Variants in BCOR observed in about 807,000 individuals in gnomAD.
The protein encoded by BCOR is BCL6 corepressor.
In BCOR, 10 loss-of-function variants were observed where a neutral mutation model predicts 86.7. The ratio of observed to expected loss-of-function variants is 0.12; its 90% CI spans 0.07 to 0.20. BCOR has a LOEUF of 0.20. BCOR is among the 10% of genes least tolerant of loss of function. BCOR has a pLI of 1.00. For synonymous variants in BCOR, 611 were observed against 609.0 expected, an observed-to-expected ratio of 1.00 and a Z score of -0.05; for missense variants, 1,259 against 1,452.1, an observed-to-expected ratio of 0.87 and a Z score of 2.16.
Position 40,128,138 on chromosome X carries a change from T to G in BCOR, c.-41+48869A>C, listed in dbSNP as rs745689330. Among the ~76,000 whole-genome samples the G allele has an allele frequency of 5.4e-5, 6 of 110,441 alleles. No homozygotes were observed. In the East Asian group the frequency reaches 1.7e-3, roughly 31 times the overall value. On this transcript the variant is annotated intron_variant, in intron 1 of 14. Coordinates refer to the BCOR transcript ENST00000342274. The stretch of plus-strand genomic sequence containing the variant: ...TACTTGGGTGCCTGAGGCAGGAGAA[T>G]CTCTTGAACCCGGAAGGAGGAAGTT...
At position 40,076,649 on chromosome X, in the gene BCOR, C is replaced by T. The variant is rs112064639; in HGVS notation, c.87-117G>A. On this transcript the variant is annotated intron_variant, in intron 2 of 14. Coordinates refer to ENST00000378444, the MANE Select transcript of BCOR (RefSeq NM_001123385.2). ...CCAATTTTTAAAACTGTCCTTAACC[C>T]TCCGCCCCCACCAGCTGTCAATGGC... is the stretch of plus-strand genomic sequence containing the variant. The T allele has an allele frequency of 9.2e-4, 484 of 527,997 alleles. 3 individuals carry two copies. The African/African-American group carries it at 0.01, about 11-fold the overall frequency. 43.5% of individuals were successfully genotyped at this position (527,997 alleles called of 1,213,427 possible). A position where few individuals can be genotyped will look rare whatever the true frequency, so the allele number is the denominator to read the frequency against.
intron 6 of BCOR, among the ~76,000 whole-genome samples, chrX:40,070,405 G>A (rs1935415313): frequency 8.9e-6 from 1 of 111,888 alleles, no homozygotes; most frequent in Non-Finnish European, 1.9e-5. Context: ...AGTGTACTGA[G>A]GAAGATACTA....
intron 1 of BCOR, among the ~76,000 whole-genome samples, chrX:40,154,191 G>T (rs1024517763): frequency 8.9e-6 from 1 of 112,531 alleles, no homozygotes. Flanking sequence ...TGGCTGCAGC[G>T]GGAAGCGCGC....
intron 1 of BCOR, among the ~76,000 whole-genome samples, chrX:40,131,900 C>T (rs966805437): frequency 4.5e-5 from 5 of 111,699 alleles, no homozygotes; most frequent in African/African-American, 1.6e-4. Context: ...GCTAGTTATT[C>T]GACACTCTTC....
chrX:40,074,269 C>T lies in BCOR; in HGVS notation c.1077G>A (p.Lys359=). ...PAADTYSEFH[K]HYARISTSPS... is the part of the protein sequence containing the mutation. ...GAGAGGTGGAGATCCTGGCATAGTG[C>T]TTGTGGAACTCCGAGTAGGTGTCTG... Residue 359 remains lysine, a synonymous_variant, in exon 4 of 15, where the codon AAG becomes AAA. Transcript: ENST00000378444. The T allele has an allele frequency of 8.3e-7, 1 of 1,211,936 alleles. No homozygotes were observed. The highest frequency in any genetic ancestry group is 1.1e-6 in the Non-Finnish European group (1 of 895,569).
chrX:40,079,254 C>T (rs1935964800), intron 1 of BCOR, among the ~76,000 whole-genome samples: 1 of 112,140 alleles, frequency 8.9e-6, no homozygotes, highest in Non-Finnish European at 1.9e-5. Flanking sequence ...TTCCCTAAGT[C>T]GACACATTTC....
At chrX:40,088,645 G>T (rs1437681450) in intron 1 of BCOR, among the ~76,000 whole-genome samples, 1 of 112,266 alleles carries the variant, frequency 8.9e-6, no homozygotes, top group Non-Finnish European at 1.9e-5. Context: ...TACAGGTCTG[G>T]TTTTCTTCTC....
intron 7 of BCOR, 136 bp downstream of exon 7, chrX:40,064,200 C>G: frequency 1.0e-6 from 1 of 980,321 alleles, no homozygotes; most frequent in Admixed American, 2.3e-5. Flanking sequence ...CGCTCCACTG[C>G]TGCGCCCCCA....
chrX:40,107,348 C>A (rs984434849), intron 1 of BCOR, among the ~76,000 whole-genome samples: 1 of 111,535 alleles, frequency 9.0e-6, no homozygotes, highest in African/African-American at 3.3e-5. Context: ...ACGCAAGGGC[C>A]AGGTCCCTCG....
chrX:40,138,014 G>A (rs1937722680), intron 1 of BCOR, among the ~76,000 whole-genome samples: 1 of 110,694 alleles, frequency 9.0e-6, no homozygotes, highest in Admixed American at 9.6e-5. Context: ...GTGCAATGGC[G>A]CTATCTTGGC....
At chrX:40,084,391 G>A (rs1427092087) in intron 1 of BCOR, among the ~76,000 whole-genome samples, 2 of 112,044 alleles carry the variant, frequency 1.8e-5, no homozygotes, top group African/African-American at 6.5e-5. Flanking sequence ...CACACGGGGA[G>A]TCAGGAAACC....
intron 1 of BCOR, among the ~76,000 whole-genome samples, chrX:40,085,638 G>A (rs943938038): frequency 1.8e-5 from 2 of 111,817 alleles, no homozygotes; most frequent in African/African-American, 6.5e-5. Context: ...CAGATATCCT[G>A]TAGGCTGTAC....
intron 1 of BCOR, among the ~76,000 whole-genome samples, chrX:40,105,441 CT>C (rs1937159133): frequency 8.9e-6 from 1 of 112,443 alleles, no homozygotes; most frequent in African/African-American, 3.2e-5. Flanking sequence ...CGCGTCACCC[CT>C]GATCCCTCCT....
At chrX:40,124,434 G>A in intron 1 of BCOR, among the ~76,000 whole-genome samples, 1 of 108,169 alleles carries the variant, frequency 9.2e-6, no homozygotes, top group African/African-American at 3.4e-5. Context: ...CACCATGCCT[G>A]GCTAATTTTC....
chrX:40,133,463 T>A (rs1285205668), intron 1 of BCOR, among the ~76,000 whole-genome samples: 2 of 101,831 alleles, frequency 2.0e-5, no homozygotes, highest in African/African-American at 3.6e-5. Context: ...CTTTTTTTTT[T>A]TTTTTTTCTT....
intron 1 of BCOR, among the ~76,000 whole-genome samples, chrX:40,093,297 T>G (rs1936701556): frequency 8.9e-6 from 1 of 111,992 alleles, no homozygotes; most frequent in African/African-American, 3.3e-5. Context: ...CTTCCATTCT[T>G]TTTGCTTTGC....
chrX:40,175,838 G>A (rs989877495), intron 1 of BCOR, among the ~76,000 whole-genome samples: 1 of 113,024 alleles, frequency 8.8e-6, no homozygotes, highest in African/African-American at 3.2e-5. Flanking sequence ...GGTGAGGGGC[G>A]GGAAACTTTG....
intron 1 of BCOR, among the ~76,000 whole-genome samples, chrX:40,167,496 A>G (rs771138758): frequency 8.0e-5 from 9 of 112,250 alleles, no homozygotes; most frequent in Non-Finnish European, 1.5e-4. Flanking sequence ...ACGAAAATAC[A>G]TTTCCTTATT....
At chrX:40,089,826 C>T (rs6520620) in intron 1 of BCOR, among the ~76,000 whole-genome samples, 15,389 of 111,422 alleles carry the variant, frequency 0.14, 1,105 homozygotes, top group East Asian at 0.47. Context: ...CTCCATCTAC[C>T]TTTCCTAGGA....
Sources: gnomAD v4.1 joint callset for allele counts (sites outside exome capture counted in the v4.1 genomes callset) on GRCh38, gnomAD v4.1.1 for gene constraint, MANE v1.5 for transcripts, NCBI Gene and HGNC (gene_info 2026-07-23, HGNC 2026-07-21) for gene names.